AKR1C1: variants seen among roughly 807,000 people sequenced by gnomAD.
The protein encoded by AKR1C1 is 20 alpha-hydroxysteroid dehydrogenase.
A neutral mutation model predicts 40.6 loss-of-function variants in AKR1C1; 32 were observed. The observed-to-expected ratio is 0.79, with a 90% CI of 0.60 to 1.06. AKR1C1 has a LOEUF of 1.06. Ranked by LOEUF, AKR1C1 falls within the 50% of genes least tolerant of loss-of-function variation. The pLI is 0.00. For missense variants in AKR1C1, 320 were observed against 363.5 expected, an observed-to-expected ratio of 0.88 and a Z score of 0.97; for synonymous variants, 105 against 134.2, an observed-to-expected ratio of 0.78 and a Z score of 1.50.
intron 5 of AKR1C1, among the ~76,000 whole-genome samples, chr10:4,969,150 A>G (rs756009849): frequency 6.6e-6 from 1 of 152,190 alleles, no homozygotes; most frequent in Non-Finnish European, 1.5e-5. Flanking sequence ...TTGATGCTGA[A>G]TTGTGTGTTA....
intron 3 of AKR1C1, 64 bp downstream of exon 3, chr10:4,967,107 G>C: frequency 6.6e-7 from 1 of 1,508,134 alleles, no homozygotes; most frequent in Non-Finnish European, 9.2e-7. Flanking sequence ...TGTTTTTATG[G>C]ATATTTGAAC....
intron 4 of AKR1C1, 49 bp from the exon 5 acceptor site, chr10:4,968,773 G>C (rs747482713): frequency 6.2e-7 from 1 of 1,613,568 alleles, no homozygotes; most frequent in East Asian, 2.2e-5. Context: ...TCACAGTTCT[G>C]TGTCACATTT....
At chr10:4,976,764 G>A (rs1554770497) in intron 8 of AKR1C1, among the ~76,000 whole-genome samples, 1 of 152,106 alleles carries the variant, frequency 6.6e-6, no homozygotes, top group African/African-American at 2.4e-5. Context: ...ATTTCAACAA[G>A]TAATAGAGAT....
rs1262508720 is a variant in AKR1C1 at position 4,965,909 on chromosome 10, C to A, written c.85-5C>A. On this transcript the variant is annotated splice_polypyrimidine_tract_variant and splice_region_variant and intron_variant, in intron 1 of 8. Transcript: ENST00000380872. ...AGAAAATACTACCTATGGTTACTCC[C>A]CCAGGTTCCTAAAAGTAAAGCTTTA... The A allele has an allele frequency of 6.2e-6, 10 of 1,612,966 alleles. No individual in the cohort carries two copies. Among genetic ancestry groups the A allele is most frequent in the Middle Eastern group, 1.6e-4 (1 of 6,076 alleles).
intron 1 of AKR1C1, among the ~76,000 whole-genome samples, chr10:4,964,745 A>G (rs1836305874): frequency 6.6e-6 from 1 of 152,220 alleles, no homozygotes; most frequent in African/African-American, 2.4e-5. Context: ...TACTCCTTGC[A>G]GTCTATTTCT....
intron 7 of AKR1C1, among the ~76,000 whole-genome samples, chr10:4,974,951 G>A (rs1225242802): frequency 2.4e-4 from 37 of 152,006 alleles, no homozygotes; most frequent in African/African-American, 8.7e-4. Context: ...GTCTCTTGTT[G>A]ACATTGTAAT....
chr10:4,970,839 C>T (rs12256271), intron 5 of AKR1C1, among the ~76,000 whole-genome samples: 42,421 of 139,194 alleles, frequency 0.3, 7,461 homozygotes, highest in African/African-American at 0.47. Context: ...AGGGATAGCA[C>T]TGGGAGATAT....
intron 7 of AKR1C1, among the ~76,000 whole-genome samples, chr10:4,973,467 C>T (rs1163394260): frequency 6.6e-6 from 1 of 152,202 alleles, no homozygotes; most frequent in Non-Finnish European, 1.5e-5. Context: ...CTTTATCCTC[C>T]AGCCATCCAG....
intron 7 of AKR1C1, among the ~76,000 whole-genome samples, chr10:4,975,183 C>G (rs1293171367): frequency 2.0e-5 from 3 of 151,960 alleles, no homozygotes; most frequent in Non-Finnish European, 4.4e-5. Flanking sequence ...AATAATGCAA[C>G]AAATCTTCTT....
intron 3 of AKR1C1, 126 bp downstream of exon 3, chr10:4,967,169 A>G: frequency 8.9e-7 from 1 of 1,126,266 alleles, no homozygotes; most frequent in South Asian, 1.5e-5. Context: ...GAAGAATCCT[A>G]AATCTAACTC....
At chr10:4,969,913 T>C (rs1431589096) in intron 5 of AKR1C1, 1 of 519,360 alleles carries the variant, frequency 1.9e-6, no homozygotes, top group Non-Finnish European at 3.3e-6. Context: ...TACGGTGCTG[T>C]GATAATTTAA....
chr10:4,978,816 G>A lies in AKR1C1; in HGVS notation c.*1074G>A, dbSNP rs2131652141. On this transcript the variant is annotated 3_prime_UTR_variant, in exon 9 of 9. Coordinates refer to ENST00000380872, the MANE Select transcript of AKR1C1 (RefSeq NM_001353.6). ...TTTTGGAAACAGGCTATGTAAAACA[G>A]CACACTGGTTTCAAACTTTGGTAAA... The A allele has an allele frequency of 6.6e-6, 1 of 152,286 alleles. No homozygotes were observed. The highest frequency in any genetic ancestry group is 2.1e-4 in the South Asian group (1 of 4,826). 9.4% of individuals were successfully genotyped at this position (152,286 alleles called of 1,614,324 possible). A position where few individuals can be genotyped will look rare whatever the true frequency, so the allele number is the denominator to read the frequency against.
chr10:4,972,683 G>C lies in AKR1C1; in HGVS notation c.780G>C (p.Gln260His), dbSNP rs782705040. The part of the protein sequence containing the change: ...RTPALIALRY[Q>H]LQRGVVVLAK... ...CAGCCCTGATTGCCCTGCGCTACCA[G>C]CTACAGCGTGGGGTTGTGGTCCTGG... Residue 260 changes from glutamine (Q) to histidine (H), a missense_variant, in exon 7 of 9, where the codon CAG becomes CAC. By Grantham distance (24) the Gln-to-His change is conservative. Around this residue, in one of 3 missense-constraint regions of AKR1C1, gnomAD observed 77 missense variants for 125.3 expected, o/e 0.61. Coordinates refer to ENST00000380872, the MANE Select transcript of AKR1C1 (RefSeq NM_001353.6). 1 of 1,612,872 alleles carries C rather than the reference G, an allele frequency of 6.2e-7. No individual in the cohort carries two copies. Among genetic ancestry groups the C allele is most frequent in the South Asian group, 1.1e-5 (1 of 91,020 alleles).
Position 4,983,053 on chromosome 10 carries a change from C to A in AKR1C1, c.*5311C>A. On this transcript the variant is annotated 3_prime_UTR_variant, in exon 9 of 9. Transcript: ENST00000380872. ...GGTGCTGGTATCCACTGCTGGGAGA[C>A]TTGTGCTGAGGTGAAGCCTGGGCTG... The A allele has an allele frequency of 5.1e-6, 2 of 395,072 alleles. No homozygotes were observed. The highest frequency in any genetic ancestry group is 1.9e-5 in the South Asian group (1 of 52,152). 24.5% of individuals were successfully genotyped at this position (395,072 alleles called of 1,614,324 possible).
At chr10:4,966,774 G>T (rs1235527024) in intron 2 of AKR1C1, among the ~76,000 whole-genome samples, 153 bp from the exon 3 acceptor site, 6 of 150,186 alleles carry the variant, frequency 4.0e-5, no homozygotes, top group Non-Finnish European at 7.5e-5. Flanking sequence ...TCATGATATG[G>T]CAGAACAAAA....
At chr10:4,974,921 C>A (rs1836502471) in intron 7 of AKR1C1, among the ~76,000 whole-genome samples, 1 of 151,970 alleles carries the variant, frequency 6.6e-6, no homozygotes, top group South Asian at 2.1e-4. Flanking sequence ...TATTAACTTC[C>A]ACAAGCAAAT....
chr10:4,969,332 A>C (rs1038254157), intron 5 of AKR1C1, among the ~76,000 whole-genome samples: 2 of 152,370 alleles, frequency 1.3e-5, no homozygotes, highest in Middle Eastern at 3.4e-3. Flanking sequence ...TGAACAGTAC[A>C]TAAGGAGAGA....
rs1330190298 is a variant in AKR1C1, at chr10:4,979,120, G to C, written c.*1378G>C. The C allele has an allele frequency of 6.6e-6, 1 of 152,142 alleles. No individual in the cohort carries two copies. The highest frequency in any genetic ancestry group is 2.4e-5 in the African/African-American group (1 of 41,422). 9.4% of individuals were successfully genotyped at this position (152,142 alleles called of 1,614,324 possible). On this transcript the variant is annotated 3_prime_UTR_variant, in exon 9 of 9. Coordinates refer to ENST00000380872, the MANE Select transcript of AKR1C1 (RefSeq NM_001353.6). ...TCAAGCCATGTCTCAGAGCTGAGAGGCATCCCAGCAAGTTTTGCAGCTCAC... is the reference window on the plus strand; with the variant it reads ...TCAAGCCATGTCTCAGAGCTGAGAGCCATCCCAGCAAGTTTTGCAGCTCAC...
chr10:4,982,317 G>A lies in AKR1C1; in HGVS notation c.*4575G>A, dbSNP rs1336682004. On this transcript the variant is annotated 3_prime_UTR_variant, in exon 9 of 9. Coordinates refer to ENST00000380872, the MANE Select transcript of AKR1C1 (RefSeq NM_001353.6). ...TAACAAGCCCCTTCAATAAGTACTT[G>A]GCGGAGGGATGCTGGGGGGACCTTC... 1 of 152,246 alleles carries A rather than the reference G, an allele frequency of 6.6e-6. No homozygotes were observed. The highest frequency in any genetic ancestry group is 2.4e-5 in the African/African-American group (1 of 41,398). 9.4% of individuals were successfully genotyped at this position (152,246 alleles called of 1,614,324 possible). A position where few individuals can be genotyped will look rare whatever the true frequency, so the allele number is the denominator to read the frequency against.
Sources: allele counts gnomAD v4.1 joint callset (sites outside exome capture counted in the v4.1 genomes callset), GRCh38; gene constraint gnomAD v4.1.1; regional missense constraint gnomAD v4.1.1; transcripts MANE v1.5; gene names NCBI Gene and HGNC (gene_info 2026-07-23, HGNC 2026-07-21).